The following ZBTB20 variants were observed in gnomAD, a reference collection of about 807,000 sequenced individuals.
The protein encoded by ZBTB20 is zinc finger and BTB domain-containing protein 20.
In ZBTB20, 9 loss-of-function variants were observed where a neutral mutation model predicts 56.9. The observed-to-expected ratio is 0.16, with a 90% CI of 0.10 to 0.28. The LOEUF (loss-of-function observed/expected upper bound fraction) is 0.28. Among genes scored for constraint, ZBTB20 ranks in the 10% least tolerant of loss-of-function variants. The probability of loss-of-function intolerance (pLI) is 1.00; values close to 1 mark genes in which losing one functional copy is unlikely to be tolerated. For missense variants in ZBTB20, 655 were observed against 1,003.0 expected, an observed-to-expected ratio of 0.65 and a Z score of 4.69; for synonymous variants, 417 against 420.7, an observed-to-expected ratio of 0.99 and a Z score of 0.11.
At chr3:114,441,677 A>G (rs1559793668) in intron 7 of ZBTB20, among the ~76,000 whole-genome samples, 2 of 152,120 alleles carry the variant, frequency 1.3e-5, no homozygotes, top group Non-Finnish European at 2.9e-5. Flanking sequence ...GTAAGCAACC[A>G]CTTACACGGC....
chr3:114,562,177 AT>A (rs1335224940), intron 6 of ZBTB20, among the ~76,000 whole-genome samples: 319 of 136,350 alleles, frequency 2.3e-3, no homozygotes, highest in Middle Eastern at 3.8e-3. Flanking sequence ...GGCTGGTTTG[AT>A]TTTTTTTTTT....
At chr3:114,592,590 A>C (rs1349326153) in intron 6 of ZBTB20, among the ~76,000 whole-genome samples, 1 of 152,228 alleles carries the variant, frequency 6.6e-6, no homozygotes, top group East Asian at 1.9e-4. Context: ...GTATAATGGC[A>C]ATCTTCCTGG....
intron 10 of ZBTB20, among the ~76,000 whole-genome samples, chr3:114,370,379 A>C (rs766978969): frequency 2.6e-5 from 4 of 151,964 alleles, no homozygotes; most frequent in Non-Finnish European, 5.9e-5. Flanking sequence ...GACACATCTG[A>C]TTCTGTTTTC....
At chr3:114,755,418 GGAA>G (rs1308392540) in intron 5 of ZBTB20, among the ~76,000 whole-genome samples, 14 of 152,126 alleles carry the variant, frequency 9.2e-5, no homozygotes, top group Non-Finnish European at 1.9e-4. Flanking sequence ...AAGTAAAAGT[GGAA>G]GAAGAATGGC....
At chr3:114,670,418 C>T (rs1240980815) in intron 6 of ZBTB20, among the ~76,000 whole-genome samples, 1 of 152,026 alleles carries the variant, frequency 6.6e-6, no homozygotes, top group Non-Finnish European at 1.5e-5. Context: ...ATATTTTTCA[C>T]CCTCCTTTTC....
chr3:114,666,828 C>T (rs760900310), intron 6 of ZBTB20, among the ~76,000 whole-genome samples: 1 of 151,942 alleles, frequency 6.6e-6, no homozygotes, highest in South Asian at 2.1e-4. Flanking sequence ...CTACAGAGAA[C>T]GTGGTGTCTC....
intron 6 of ZBTB20, among the ~76,000 whole-genome samples, chr3:114,586,245 C>T (rs904717876): frequency 3.3e-5 from 5 of 152,174 alleles, no homozygotes; most frequent in African/African-American, 1.2e-4. Context: ...TTTAGCTGGA[C>T]TCTGAATCAT....
At chr3:114,772,267 G>C (rs997556976) in intron 5 of ZBTB20, among the ~76,000 whole-genome samples, 4 of 152,100 alleles carry the variant, frequency 2.6e-5, no homozygotes, top group African/African-American at 9.7e-5. Context: ...CTTGAACCTG[G>C]GAGATGGAGG....
At chr3:114,726,722 C>A (rs1471994393) in intron 5 of ZBTB20, among the ~76,000 whole-genome samples, 1 of 151,074 alleles carries the variant, frequency 6.6e-6, no homozygotes, top group Admixed American at 6.6e-5. Flanking sequence ...ATCATCCTGG[C>A]TAACATGGTG....
chr3:114,780,700 A>T (rs181688352), intron 5 of ZBTB20, among the ~76,000 whole-genome samples: 69 of 152,196 alleles, frequency 4.5e-4, no homozygotes, highest in Admixed American at 1.4e-3. Flanking sequence ...GTTGGCCAGG[A>T]TGGTCTCGAT....
intron 6 of ZBTB20, among the ~76,000 whole-genome samples, chr3:114,660,810 G>T (rs1230667361): frequency 6.6e-6 from 1 of 151,950 alleles, no homozygotes; most frequent in Admixed American, 6.6e-5. Context: ...AATTGCATTG[G>T]ATGAAGATAA....
intron 4 of ZBTB20, among the ~76,000 whole-genome samples, chr3:114,896,217 T>C (rs1049925220): frequency 1.3e-5 from 2 of 152,110 alleles, no homozygotes; most frequent in Admixed American, 1.3e-4. Flanking sequence ...AAAATGGAAT[T>C]ACCATACAAT....
At chr3:114,377,722 A>G (rs1374394557) in intron 10 of ZBTB20, among the ~76,000 whole-genome samples, 1 of 152,168 alleles carries the variant, frequency 6.6e-6, no homozygotes, top group Non-Finnish European at 1.5e-5. Flanking sequence ...AATGAGAGCA[A>G]ATCCATAAAC....
At chr3:114,933,198 T>TA (rs2076418947) in intron 3 of ZBTB20, among the ~76,000 whole-genome samples, 2 of 152,162 alleles carry the variant, frequency 1.3e-5, no homozygotes, top group South Asian at 2.1e-4. Context: ...CAAAGATTTG[T>TA]AAAAAATAAC....
chr3:115,026,753 T>G (rs1007650845), intron 2 of ZBTB20, among the ~76,000 whole-genome samples: 1 of 150,634 alleles, frequency 6.6e-6, no homozygotes, highest in Non-Finnish European at 1.5e-5. Context: ...CAATTCTCCC[T>G]CCTTTCATCA....
chr3:114,977,458 T>C (rs16823428), intron 2 of ZBTB20, among the ~76,000 whole-genome samples: 1 of 152,108 alleles, frequency 6.6e-6, no homozygotes, highest in African/African-American at 2.4e-5. Flanking sequence ...TCCAAAGAGT[T>C]AAATATAAGT....
intron 11 of ZBTB20, among the ~76,000 whole-genome samples, chr3:114,347,077 G>GATTTTTTTTTTTTTTTTTTT: frequency 1.4e-5 from 1 of 71,022 alleles, no homozygotes; most frequent in Non-Finnish European, 2.5e-5. Flanking sequence ...TTCTCTTCAG[G>GATTTTTTTTTTTTTTTTTTT]TTTTTTTTTT....
chr3:114,876,227 T>C (rs970883901), intron 4 of ZBTB20: 1 of 152,056 alleles, frequency 6.6e-6, no homozygotes, highest in Non-Finnish European at 1.5e-5. Context: ...TTTGGTGCAC[T>C]CATCACTTGA....
intron 6 of ZBTB20, among the ~76,000 whole-genome samples, chr3:114,579,396 A>G (rs2054414659): frequency 6.6e-6 from 1 of 151,684 alleles, no homozygotes; most frequent in South Asian, 2.1e-4. Context: ...AAAACTACGT[A>G]TCAAAACATG....
Sources: gnomAD v4.1 joint callset for allele counts (sites outside exome capture counted in the v4.1 genomes callset) on GRCh38, gnomAD v4.1.1 for gene constraint, MANE v1.5 for transcripts, NCBI Gene and HGNC (gene_info 2026-07-23, HGNC 2026-07-21) for gene names.